The following MESD variants were observed in gnomAD, a reference collection of about 807,000 sequenced individuals.
The protein encoded by MESD is mesoderm development LRP chaperone, also known as LRP chaperone MESD.
In MESD, 7 loss-of-function variants were observed where a neutral mutation model predicts 12.9. The observed-to-expected ratio is 0.54, with a 90% CI of 0.31 to 1.02. MESD has a LOEUF of 1.02. MESD is among the 50% of genes least tolerant of loss of function. MESD has a pLI of 0.05. For synonymous variants in MESD, 126 were observed against 115.6 expected, an observed-to-expected ratio of 1.09 and a Z score of -0.58; for missense variants, 342 against 296.7, an observed-to-expected ratio of 1.15 and a Z score of -1.12.
chr15:80,988,070 T>C (rs1902782160), intron 1 of MESD, among the ~76,000 whole-genome samples: 1 of 152,250 alleles, frequency 6.6e-6, no homozygotes. Flanking sequence ...AATCCACGTC[T>C]TCCTCACTAT....
chr15:80,967,930 G>C (rs1475060196), intron 3 of MESD, among the ~76,000 whole-genome samples: 1 of 152,214 alleles, frequency 6.6e-6, no homozygotes, highest in Admixed American at 6.5e-5. Flanking sequence ...ATGGAGAGTT[G>C]GCCAAGTGGC....
intron 4 of MESD, chr15:80,949,497 G>A (rs1901726083): frequency 5.7e-6 from 1 of 176,804 alleles, no homozygotes; most frequent in Admixed American, 5.4e-5. Flanking sequence ...CCACCTTTCA[G>A]GAGACTTTGA....
At chr15:80,958,199 C>G (rs1044005354) in intron 3 of MESD, among the ~76,000 whole-genome samples, 3 of 152,146 alleles carry the variant, frequency 2.0e-5, no homozygotes, top group Admixed American at 2.0e-4. Context: ...CTCCCATTCG[C>G]CTACACACAC....
At chr15:80,953,513 G>A (rs987526483) in intron 3 of MESD, among the ~76,000 whole-genome samples, 2 of 152,224 alleles carry the variant, frequency 1.3e-5, no homozygotes, top group African/African-American at 4.8e-5. Flanking sequence ...TAGGTGACCA[G>A]TGGGCACCTT....
chr15:80,952,496 G>A (rs1288266230), intron 3 of MESD, among the ~76,000 whole-genome samples: 1 of 152,176 alleles, frequency 6.6e-6, no homozygotes, highest in Admixed American at 6.5e-5. Flanking sequence ...TGTGTCTAGT[G>A]GCTACCATAT....
At chr15:80,955,076 C>T (rs928266157) in intron 3 of MESD, among the ~76,000 whole-genome samples, 6 of 151,198 alleles carry the variant, frequency 4.0e-5, no homozygotes, top group African/African-American at 9.7e-5. Context: ...GCAGGTGAAT[C>T]GCTTGAGCCC....
chr15:80,952,077 A>T (rs1383296624), exon 4 of MESD: 1 of 420,524 alleles, frequency 2.4e-6, no homozygotes, highest in African/African-American at 2.1e-5. Context: ...CACATTTCTA[A>T]GCTGTCAGGA....
At position 80,989,769 on chromosome 15, in the gene MESD, C is replaced by A. The variant is rs752656906; in HGVS notation, c.23G>T (p.Arg8Leu). Reference sequence around the variant, plus strand: ...GGCACAAAGCAGGACCACGGCCTTGCGCGCCCACCTGGAAGCCGCCATTTT... The same window carrying A: ...GGCACAAAGCAGGACCACGGCCTTGAGCGCCCACCTGGAAGCCGCCATTTT... MAASRWA[R>L]KAVVLLCASD... Residue 8 changes from arginine (R) to leucine (L), a missense_variant, in exon 1 of 3, where the codon CGC becomes CTC. By Grantham distance (102) the Arg-to-Leu change is moderately radical. Transcript: ENST00000261758. 4.4e-6 allele frequency: 7 copies of A among 1,592,972 alleles called. No individual in the cohort carries two copies. Among genetic ancestry groups the A allele is most frequent in the East Asian group, 2.2e-5 (1 of 44,568 alleles).
intron 3 of MESD, among the ~76,000 whole-genome samples, chr15:80,959,694 C>T (rs74946092): frequency 0.017 from 2,543 of 152,228 alleles, 40 homozygotes; most frequent in Non-Finnish European, 0.022. Context: ...TCCAATCCCC[C>T]CACCTTTGTG....
At chr15:80,952,332 A>G (rs1417178030) in intron 3 of MESD, 1 of 406,704 alleles carries the variant, frequency 2.5e-6, no homozygotes, top group Non-Finnish European at 5.0e-6. Flanking sequence ...AGGTTAGAGC[A>G]GGTGAACTGG....
intron 3 of MESD, among the ~76,000 whole-genome samples, chr15:80,970,176 A>T (rs1246140124): frequency 6.6e-6 from 1 of 152,174 alleles, no homozygotes; most frequent in Non-Finnish European, 1.5e-5. Context: ...ATCAGTGGCA[A>T]ATTAGAGACA....
chr15:80,965,724 G>A (rs1280425846), intron 3 of MESD, among the ~76,000 whole-genome samples: 1 of 152,158 alleles, frequency 6.6e-6, no homozygotes, highest in Non-Finnish European at 1.5e-5. Context: ...AACACTGCAT[G>A]TTCTCACTCA....
chr15:80,981,855 C>CA (rs1445740373), intron 2 of MESD, 95 bp downstream of exon 2: 12 of 978,146 alleles, frequency 1.2e-5, no homozygotes, highest in Non-Finnish European at 1.8e-5. Context: ...AACTCTGTCT[C>CA]AAAAAAATCA....
intron 1 of MESD, among the ~76,000 whole-genome samples, chr15:80,982,390 T>C (rs921457027): frequency 6.6e-6 from 1 of 152,184 alleles, no homozygotes; most frequent in African/African-American, 2.4e-5. Context: ...AGGTTACCAA[T>C]CACAGAGCGC....
chr15:80,982,314 G>A (rs977661550), intron 1 of MESD, 132 bp from the exon 2 acceptor site: 2 of 695,934 alleles, frequency 2.9e-6, no homozygotes, highest in Admixed American at 2.8e-5. Flanking sequence ...GAAAACCAGG[G>A]GTTTTCTTCC....
At position 80,979,345 on chromosome 15, in the gene MESD, T is replaced by C. The variant is rs764441345; in HGVS notation, c.579A>G (p.Lys193=). 2.5e-6 allele frequency: 4 copies of C among 1,614,090 alleles called. No homozygotes were observed. Among genetic ancestry groups the C allele is most frequent in the African/African-American group, 2.7e-5 (2 of 74,938 alleles). Residue 193 remains lysine (K), a synonymous_variant, in exon 3 of 3, where the codon AAA becomes AAG. Coordinates refer to ENST00000261758, the MANE Select transcript of MESD (RefSeq NM_015154.3). ...VTLEGQVYPG[K]GGGSKEKNKT... ...TATTTTTCTCTTTGCTTCCTCCTCC[T>C]TTGCCGGGGTACACCTGGCCCTCCA...
At chr15:80,962,474 T>C (rs1040703795) in intron 3 of MESD, among the ~76,000 whole-genome samples, 5 of 152,186 alleles carry the variant, frequency 3.3e-5, no homozygotes, top group Non-Finnish European at 7.3e-5. Flanking sequence ...AACTCAGCTC[T>C]GGACCAAGCA....
At chr15:80,962,060 G>C (rs1470303453) in intron 3 of MESD, among the ~76,000 whole-genome samples, 10 of 152,294 alleles carry the variant, frequency 6.6e-5, no homozygotes, top group Admixed American at 2.6e-4. Context: ...TGGACAAAGA[G>C]TCAAGACCCA....
chr15:80,989,552 C>A (rs1342271336), intron 1 of MESD, 27 bp downstream of exon 1: 2 of 1,605,778 alleles, frequency 1.2e-6, no homozygotes, highest in Admixed American at 1.7e-5. Flanking sequence ...CAGAGAAGAG[C>A]CGGGAGGGTG....
Sources: allele counts gnomAD v4.1 joint callset (sites outside exome capture counted in the v4.1 genomes callset), GRCh38; gene constraint gnomAD v4.1.1; transcripts MANE v1.5; gene names NCBI Gene and HGNC (gene_info 2026-07-23, HGNC 2026-07-21).